KCNQ1: variants seen among roughly 807,000 people sequenced by gnomAD.
The protein encoded by KCNQ1 is potassium voltage-gated channel subfamily Q member 1.
A neutral mutation model predicts 72.4 loss-of-function variants in KCNQ1; 49 were observed. The observed-to-expected ratio is 0.68, with a 90% CI of 0.54 to 0.86. KCNQ1 has a LOEUF of 0.86. Among genes scored for constraint, KCNQ1 ranks in the 40% least tolerant of loss-of-function variants. The pLI, the probability that KCNQ1 is intolerant of heterozygous loss-of-function variation, is 0.00. For missense variants in KCNQ1, 790 were observed against 945.1 expected, an observed-to-expected ratio of 0.84 and a Z score of 2.15; for synonymous variants, 450 against 412.6, an observed-to-expected ratio of 1.09 and a Z score of -1.10.
In KCNQ1 at chr11:2,767,730, A is replaced by C. The variant is rs140087909; in HGVS notation, c.1515-1114A>C. Reference sequence around the variant, plus strand: ...CTTCTCTCCACAGTGCCATGCGTCTACTGAGTACTCTGCTTAGCTTTTACC... The same window carrying C: ...CTTCTCTCCACAGTGCCATGCGTCTCCTGAGTACTCTGCTTAGCTTTTACC... On this transcript the variant is annotated intron_variant, in intron 11 of 15. Coordinates refer to ENST00000155840, the MANE Select transcript of KCNQ1 (RefSeq NM_000218.3). This position sits in a 1 kb window ranked among gnomAD's most constrained non-coding sequence, Gnocchi z 4.6. Among the ~76,000 whole-genome samples the C allele has an allele frequency of 8.3e-4, 127 of 152,276 alleles. No individual in the cohort carries two copies. Among genetic ancestry groups the C allele is most frequent in the Non-Finnish European group, 1.6e-3 (109 of 68,010 alleles).
chr11:2,777,148 A>G, intron 14 of KCNQ1, 116 bp downstream of exon 14: 1 of 999,254 alleles, frequency 1.0e-6, no homozygotes, highest in Non-Finnish European at 1.6e-6. Flanking sequence ...TCCAAAGTGC[A>G]TGACATGAAA....
Position 2,633,473 on chromosome 11 carries a change from C to T in KCNQ1, c.1394-28488C>T, listed in dbSNP as rs373192179. The stretch of plus-strand genomic sequence containing the variant: ...ACCCATATCCTGAAGGGTTTCCCTT[C>T]TGTTTTCTTCTAGTACTGTTTGCTT... On this transcript the variant is annotated intron_variant, in intron 10 of 15. Coordinates refer to ENST00000155840, the MANE Select transcript of KCNQ1 (RefSeq NM_000218.3). The T allele has an allele frequency of 3.1e-4, 122 of 398,398 alleles. No individual in the cohort carries two copies. Among genetic ancestry groups the T allele is most frequent in the African/African-American group, 2.3e-3 (113 of 48,632 alleles). The allele number at this position is 398,398 out of a possible 1,614,324, so 24.7% of individuals were successfully genotyped here.
rs560222346 is a variant in KCNQ1 at position 2,789,482 on chromosome 11, G to A, written c.1794+11445G>A. ...CCTCGACGCCGCAGCCCCAGTGCCCGCCACAGACGAGCTTTTGCCGGCAGT... is the reference window on the plus strand; with the variant it reads ...CCTCGACGCCGCAGCCCCAGTGCCCACCACAGACGAGCTTTTGCCGGCAGT... On this transcript the variant is annotated intron_variant, in intron 15 of 15. Transcript: ENST00000155840. Among the ~76,000 whole-genome samples the A allele has an allele frequency of 4.1e-4, 63 of 152,330 alleles. No individual in the cohort carries two copies. In the South Asian group the frequency reaches 0.011, roughly 26 times the overall value.
intron 15 of KCNQ1, among the ~76,000 whole-genome samples, chr11:2,839,417 AGCTCTG>A (rs1321358341): frequency 6.6e-6 from 1 of 152,258 alleles, no homozygotes; most frequent in African/African-American, 2.4e-5. Flanking sequence ...TGGATGTGAC[AGCTCTG>A]GCTCTGGCAC....
chr11:2,694,659 T>C (rs1324955994), intron 11 of KCNQ1: 3 of 398,532 alleles, frequency 7.5e-6, no homozygotes, highest in East Asian at 3.6e-5. Flanking sequence ...ACACCCACCA[T>C]GTGCGGACCC....
Position 2,613,090 on chromosome 11 carries a change from C to A in KCNQ1, c.1393+24236C>A. On this transcript the variant is annotated intron_variant, in intron 10 of 15. Coordinates refer to ENST00000155840, the MANE Select transcript of KCNQ1 (RefSeq NM_000218.3). This position sits in a 1 kb window ranked among gnomAD's most constrained non-coding sequence, Gnocchi z 4.8. ...ACCTAGTGGTCAAGCCATGATTAGT[C>A]AGACATTTGTTTAAACATCTTGAGC... 2.5e-6 allele frequency: 1 copy of A among 398,590 alleles called. No homozygotes were observed. Among genetic ancestry groups the A allele is most frequent in the South Asian group, 1.3e-4 (1 of 7,840 alleles). 24.7% of individuals were successfully genotyped at this position (398,590 alleles called of 1,614,324 possible).
intron 2 of KCNQ1, among the ~76,000 whole-genome samples, chr11:2,553,305 G>T (rs1848015750): frequency 6.6e-6 from 1 of 152,078 alleles, no homozygotes; most frequent in Non-Finnish European, 1.5e-5. Flanking sequence ...GCACCTGACA[G>T]TGTCTGCCAG....
chr11:2,705,667 C>T (rs1386465225), intron 11 of KCNQ1, among the ~76,000 whole-genome samples: 1 of 152,230 alleles, frequency 6.6e-6, no homozygotes, highest in East Asian at 1.9e-4. Context: ...CTCAGCCTGC[C>T]AGGGAAAAGT....
Position 2,781,485 on chromosome 11 carries a change from C to T in KCNQ1, c.1794+3448C>T, listed in dbSNP as rs549351581. 1.2e-4 allele frequency among the ~76,000 whole-genome samples: 18 copies of T among 152,298 alleles called. No homozygotes were observed. In the East Asian group the frequency reaches 3.5e-3, roughly 29 times the overall value. On this transcript the variant is annotated intron_variant, in intron 15 of 15. Coordinates refer to ENST00000155840, the MANE Select transcript of KCNQ1 (RefSeq NM_000218.3). This position sits in a 1 kb window ranked among gnomAD's most constrained non-coding sequence, Gnocchi z 6.6. ...TGGGCCAGGGACCAATGCAGGCGGTCGGGAGAGGTCCGGAGAGAGCTGGCC... is the reference window on the plus strand; with the variant it reads ...TGGGCCAGGGACCAATGCAGGCGGTTGGGAGAGGTCCGGAGAGAGCTGGCC...
chr11:2,683,785 A>C lies in KCNQ1; in HGVS notation c.1514+21704A>C. Reference sequence around the variant, plus strand: ...TGGGCCTCTAAGGCTGGCTGCTCTTACTCTATACCCCAAAATCCCAGCCAC... The same window carrying C: ...TGGGCCTCTAAGGCTGGCTGCTCTTCCTCTATACCCCAAAATCCCAGCCAC... On this transcript the variant is annotated intron_variant, in intron 11 of 15. Transcript: ENST00000155840. The surrounding 1 kb of genome is among the most constrained non-coding windows in gnomAD (Gnocchi z 4.7). 1 of 398,298 alleles carries C rather than the reference A, an allele frequency of 2.5e-6. No individual in the cohort carries two copies. Among genetic ancestry groups the C allele is most frequent in the Middle Eastern group, 6.3e-4 (1 of 1,588 alleles). The allele number at this position is 398,298 out of a possible 1,614,324, so 24.7% of individuals were successfully genotyped here.
At chr11:2,534,184 C>T (rs1056408924) in intron 2 of KCNQ1, among the ~76,000 whole-genome samples, 2 of 152,188 alleles carry the variant, frequency 1.3e-5, no homozygotes, top group African/African-American at 4.8e-5. Flanking sequence ...TCCGTGACGG[C>T]CCTGGGCGGC....
At position 2,562,364 on chromosome 11, in the gene KCNQ1, G is replaced by A. The variant is rs1340083736; in HGVS notation, c.478-8264G>A. ...ACAAAGGGCGCTTTGAGCTGCCTGA[G>A]TGCCTGCATTGCCCTCCGGCCAGCT... On this transcript the variant is annotated intron_variant, in intron 2 of 15. Transcript: ENST00000155840. This position sits in a 1 kb window ranked among gnomAD's most constrained non-coding sequence, Gnocchi z 7.5. Among the ~76,000 whole-genome samples, 1 of 152,188 alleles carries A rather than the reference G, an allele frequency of 6.6e-6. No homozygotes were observed. Among genetic ancestry groups the A allele is most frequent in the Non-Finnish European group, 1.5e-5 (1 of 68,014 alleles).
At chr11:2,472,657 T>TAGG (rs34657034) in intron 1 of KCNQ1, among the ~76,000 whole-genome samples, 84,366 of 151,498 alleles carry the variant, frequency 0.56, 24,560 homozygotes, top group Non-Finnish European at 0.64. Flanking sequence ...GAGATGTGAG[T>TAGG]AGGTCTGTGG....
chr11:2,573,044 G>C (rs981292611), intron 6 of KCNQ1, 58 bp downstream of exon 6: 6 of 1,582,302 alleles, frequency 3.8e-6, no homozygotes, highest in Non-Finnish European at 5.2e-6. Context: ...GGAGTGGGCA[G>C]GACATCTGGG....
rs193087340 is a variant in KCNQ1, at chr11:2,752,255, G to A, written c.1515-16589G>A. Among the ~76,000 whole-genome samples the A allele has an allele frequency of 9.2e-4, 139 of 151,526 alleles. 1 individual carries two copies. Among genetic ancestry groups the A allele is most frequent in the Middle Eastern group, 3.4e-3 (1 of 294 alleles). On this transcript the variant is annotated intron_variant, in intron 11 of 15. Transcript: ENST00000155840. This position sits in a 1 kb window ranked among gnomAD's most constrained non-coding sequence, Gnocchi z 5.2. Reference sequence around the variant, plus strand: ...TCACAGGTGATCTGAACCCAGCTGAGTGGCTTCCATGGAGCTGATCTGAAC... The same window carrying A: ...TCACAGGTGATCTGAACCCAGCTGAATGGCTTCCATGGAGCTGATCTGAAC...
rs987726892 is a variant in KCNQ1, at chr11:2,598,536, C to T, written c.1393+9682C>T. Among the ~76,000 whole-genome samples, 23 of 149,020 alleles carry T rather than the reference C, an allele frequency of 1.5e-4. No individual in the cohort carries two copies. The highest frequency in any genetic ancestry group is 5.1e-4 in the African/African-American group (20 of 39,570). On this transcript the variant is annotated intron_variant, in intron 10 of 15. Transcript: ENST00000155840. This position sits in a 1 kb window ranked among gnomAD's most constrained non-coding sequence, Gnocchi z 6.2. ...AGTTTTATTTGTATACATGGACAGA[C>T]AAAATGTACATTGAGATGGATTGTG... is the stretch of plus-strand genomic sequence containing the variant.
rs1247880626 is a variant in KCNQ1 at position 2,612,281 on chromosome 11, G to A, written c.1393+23427G>A. 2.5e-6 allele frequency: 1 copy of A among 398,486 alleles called. No homozygotes were observed. The highest frequency in any genetic ancestry group is 2.1e-5 in the African/African-American group (1 of 48,622). The allele number at this position is 398,486 out of a possible 1,614,324, so 24.7% of individuals were successfully genotyped here. On this transcript the variant is annotated intron_variant, in intron 10 of 15. Transcript: ENST00000155840. This position sits in a 1 kb window ranked among gnomAD's most constrained non-coding sequence, Gnocchi z 5.5. ...TCCTATTGTGAACTGAGCATGTGAG[G>A]GATCTAGGTTGTGCACTCCGTATGA... is the stretch of plus-strand genomic sequence containing the variant.
rs752192875 is a variant in KCNQ1 at position 2,626,105 on chromosome 11, G to A, written c.1394-35856G>A. 1.0e-5 allele frequency: 4 copies of A among 398,264 alleles called. No homozygotes were observed. Among genetic ancestry groups the A allele is most frequent in the Non-Finnish European group, 1.8e-5 (4 of 226,010 alleles). The allele number at this position is 398,264 out of a possible 1,614,324, so 24.7% of individuals were successfully genotyped here. On this transcript the variant is annotated intron_variant, in intron 10 of 15. Transcript: ENST00000155840. The surrounding 1 kb of genome is among the most constrained non-coding windows in gnomAD (Gnocchi z 4.0). ...CAATTTATCTATTTTTACTTTTATT[G>A]CCTGTGCCTTTGGTGTCGCATACAA...
chr11:2,639,105 A>T (rs1260315441), intron 10 of KCNQ1: 2 of 152,176 alleles, frequency 1.3e-5, no homozygotes, highest in South Asian at 2.1e-4. Context: ...TATTCTAGTT[A>T]GCCATTCGTC....
Sources: allele counts gnomAD v4.1 joint callset (sites outside exome capture counted in the v4.1 genomes callset), GRCh38; gene constraint gnomAD v4.1.1; non-coding constraint Gnocchi (gnomAD v3.1); transcripts MANE v1.5; gene names NCBI Gene and HGNC (gene_info 2026-07-23, HGNC 2026-07-21).